Variants in RNF111 observed in about 807,000 individuals in gnomAD.
The protein encoded by RNF111 is E3 ubiquitin-protein ligase Arkadia.
A neutral mutation model predicts 95.1 loss-of-function variants in RNF111; 17 were observed. That is an observed-to-expected ratio of 0.18 (90% CI 0.12 to 0.27). The LOEUF (loss-of-function observed/expected upper bound fraction) is 0.27. Among genes scored for constraint, RNF111 ranks in the 10% least tolerant of loss-of-function variants. The pLI is 1.00. For missense variants in RNF111, 1,189 were observed against 1,210.4 expected (o/e 0.98, Z 0.26); for synonymous variants, 440 against 414.8 (o/e 1.06, Z -0.74).
intron 12 of RNF111, among the ~76,000 whole-genome samples, chr15:59,092,202 A>T (rs1160994425): frequency 6.6e-6 from 1 of 152,210 alleles, no homozygotes; most frequent in African/African-American, 2.4e-5. Flanking sequence ...ACATTCACTA[A>T]TAAAAAAAAC....
chr15:59,004,755 C>G (rs150976565), intron 1 of RNF111, among the ~76,000 whole-genome samples: 4 of 152,272 alleles, frequency 2.6e-5, no homozygotes, highest in African/African-American at 9.6e-5. Context: ...CTCTGGAAGT[C>G]TAGCACTTCC....
rs757561873 is a variant in RNF111 at position 59,058,549 on chromosome 15, A to C, written c.1365A>C (p.Gly455=). Residue 455 remains glycine, a splice_region_variant and synonymous_variant, in exon 5 of 14, where the codon GGA becomes GGC. Transcript: ENST00000348370. ...TSNSTTGTSI[G]DDSRRTTSSA... ...ATAGTACCACTGGCACTTCTATAGG[A>C]GGTATGTAAAAAAGTGGGGGAGGGG... is the stretch of plus-strand genomic sequence containing the variant. 3 of 1,613,704 alleles carry C rather than the reference A, an allele frequency of 1.9e-6. No individual in the cohort carries two copies. The highest frequency in any genetic ancestry group is 2.5e-6 in the Non-Finnish European group (3 of 1,179,644).
intron 1 of RNF111, among the ~76,000 whole-genome samples, chr15:59,000,363 A>G (rs867737296): frequency 1.3e-5 from 2 of 151,834 alleles, no homozygotes; most frequent in Non-Finnish European, 2.9e-5. Flanking sequence ...GGGTTTCACC[A>G]TGTTGTCCAG....
intron 4 of RNF111, among the ~76,000 whole-genome samples, chr15:59,057,137 G>A (rs565298887): frequency 3.3e-5 from 5 of 152,246 alleles, no homozygotes; most frequent in Admixed American, 2.6e-4. Context: ...GGTTTTCACA[G>A]TTAGGGGAGG....
chr15:58,995,890 C>A (rs543308250), intron 1 of RNF111, among the ~76,000 whole-genome samples: 1 of 150,544 alleles, frequency 6.6e-6, no homozygotes, highest in East Asian at 2.0e-4. Context: ...AACCCTGGTT[C>A]CTTTTAGTGA....
intron 11 of RNF111, among the ~76,000 whole-genome samples, chr15:59,090,493 G>A (rs1352748532): frequency 2.0e-5 from 3 of 152,172 alleles, no homozygotes; most frequent in Non-Finnish European, 4.4e-5. Flanking sequence ...GCCTCCCAAA[G>A]TACTGGGATT....
intron 1 of RNF111, among the ~76,000 whole-genome samples, chr15:59,012,026 T>TTG (rs1389451850): frequency 8.0e-5 from 10 of 125,528 alleles, no homozygotes; most frequent in African/African-American, 3.4e-4. Flanking sequence ...TTTTTTTTTT[T>TTG]TTTTTTGAGA....
chr15:58,989,630 A>C (rs2038723366), intron 1 of RNF111, among the ~76,000 whole-genome samples: 1 of 152,232 alleles, frequency 6.6e-6, no homozygotes, highest in Admixed American at 6.5e-5. Flanking sequence ...GTATAAACAA[A>C]GTGACTTCAT....
At chr15:59,045,301 C>T (rs2041655298) in intron 2 of RNF111, among the ~76,000 whole-genome samples, 1 of 151,820 alleles carries the variant, frequency 6.6e-6, no homozygotes, top group Admixed American at 6.6e-5. Flanking sequence ...AGTGATTCTC[C>T]TGCCTCAGCC....
chr15:58,996,901 C>G (rs1433449027), intron 1 of RNF111, among the ~76,000 whole-genome samples: 1 of 152,002 alleles, frequency 6.6e-6, no homozygotes, highest in African/African-American at 2.4e-5. Flanking sequence ...TGCAACTCTC[C>G]TAATCTCCTA....
intron 1 of RNF111, among the ~76,000 whole-genome samples, chr15:59,007,241 T>A (rs2039582077): frequency 6.6e-6 from 1 of 151,794 alleles, no homozygotes; most frequent in South Asian, 2.1e-4. Context: ...CCTTTCCCCA[T>A]CCCTTGAAGA....
At chr15:58,988,659 T>C (rs960921199) in intron 1 of RNF111, among the ~76,000 whole-genome samples, 3 of 152,256 alleles carry the variant, frequency 2.0e-5, no homozygotes, top group African/African-American at 7.2e-5. Flanking sequence ...AATAGATTTG[T>C]TACAACAGTT....
chr15:59,058,565 G>T lies in RNF111; in HGVS notation c.1366+15G>T, dbSNP rs145710506. On this transcript the variant is annotated intron_variant, in intron 5 of 13. Transcript: ENST00000348370. Reference sequence around the variant, plus strand: ...TTCTATAGGAGGTATGTAAAAAAGTGGGGGAGGGGAGACTTTTTGTCATTA... The same window carrying T: ...TTCTATAGGAGGTATGTAAAAAAGTTGGGGAGGGGAGACTTTTTGTCATTA... The T allele has an allele frequency of 1.2e-5, 20 of 1,609,344 alleles. No homozygotes were observed. The South Asian group carries it at 1.9e-4, about 15-fold the overall frequency.
At chr15:59,085,125 C>G (rs535729530) in intron 9 of RNF111, among the ~76,000 whole-genome samples, 14 of 152,322 alleles carry the variant, frequency 9.2e-5, no homozygotes, top group Admixed American at 1.3e-4. Flanking sequence ...ACCACAATGA[C>G]TTTTGAGGCA....
Position 59,050,557 on chromosome 15 carries a change from C to T in RNF111, c.881-1748C>T, listed in dbSNP as rs56152718. Among the ~76,000 whole-genome samples the T allele has an allele frequency of 9.4e-3, 1,436 of 152,190 alleles. 7 individuals carry two copies. Among genetic ancestry groups the T allele is most frequent in the Non-Finnish European group, 0.015 (1,053 of 68,012 alleles). On this transcript the variant is annotated intron_variant, in intron 2 of 13. Coordinates refer to ENST00000348370, the MANE Select transcript of RNF111 (RefSeq NM_017610.8). ...TAGTTTCAAAATGGACCGTAAAATA[C>T]GTGTAATATTTAAGAGAAGTATCAA...
In RNF111 at chr15:59,058,364, G is replaced by A; in HGVS notation, c.1180G>A (p.Val394Ile). Residue 394 changes from valine to isoleucine, a missense_variant, in exon 5 of 14, where the codon GTA becomes ATA. By Grantham distance (29) the Val-to-Ile change is conservative. Coordinates refer to ENST00000348370, the MANE Select transcript of RNF111 (RefSeq NM_017610.8). ...CATTTTGTATTTTGTAGAACCTACT[G>A]TAGTACCAACCACTTCTGCAAGAAT... is the stretch of plus-strand genomic sequence containing the variant. ...DLTVDEDEPT[V>I]VPTTSARMES... The A allele has an allele frequency of 6.2e-7, 1 of 1,613,770 alleles. No homozygotes were observed. The highest frequency in any genetic ancestry group is 8.5e-7 in the Non-Finnish European group (1 of 1,179,764).
At chr15:59,074,803 CT>C in intron 6 of RNF111, among the ~76,000 whole-genome samples, 1 of 152,102 alleles carries the variant, frequency 6.6e-6, no homozygotes, top group Non-Finnish European at 1.5e-5. Context: ...CTTTTGGCCT[CT>C]CTGGGCTTTT....
intron 1 of RNF111, among the ~76,000 whole-genome samples, chr15:59,007,695 T>G (rs2039604607): frequency 6.6e-6 from 1 of 152,194 alleles, no homozygotes; most frequent in South Asian, 2.1e-4. Context: ...CTTTTTAGTT[T>G]TAGTCTTATT....
At chr15:59,035,327 C>T (rs1181888202) in intron 2 of RNF111, among the ~76,000 whole-genome samples, 1 of 152,190 alleles carries the variant, frequency 6.6e-6, no homozygotes, top group Non-Finnish European at 1.5e-5. Flanking sequence ...ATCATGCCTT[C>T]CCAACAGTCC....
Sources: allele counts gnomAD v4.1 joint callset (sites outside exome capture counted in the v4.1 genomes callset), GRCh38; gene constraint gnomAD v4.1.1; transcripts MANE v1.5; gene names NCBI Gene and HGNC (gene_info 2026-07-23, HGNC 2026-07-21).